PDLIM5: variants seen among roughly 807,000 people sequenced by gnomAD.
PDLIM5 encodes PDZ and LIM domain protein 5.
PDLIM5 carries 34 observed loss-of-function variants against 64.2 expected under a neutral mutation model. The ratio of observed to expected loss-of-function variants is 0.53; its 90% CI spans 0.40 to 0.71. The LOEUF (loss-of-function observed/expected upper bound fraction) is 0.71, where lower values mean the gene tolerates loss of function less well. Ranked by LOEUF, PDLIM5 falls within the 30% of genes least tolerant of loss-of-function variation. The probability of loss-of-function intolerance (pLI) is 0.00; values close to 1 mark genes in which losing one functional copy is unlikely to be tolerated. For synonymous variants in PDLIM5, 253 were observed against 269.1 expected, an observed-to-expected ratio of 0.94 and a Z score of 0.59; for missense variants, 683 against 733.6, an observed-to-expected ratio of 0.93 and a Z score of 0.80.
intron 8 of PDLIM5, among the ~76,000 whole-genome samples, chr4:94,619,497 G>A (rs1416053738): frequency 5.9e-5 from 9 of 151,942 alleles, no homozygotes; most frequent in African/African-American, 1.2e-4. Context: ...AAAATTATCC[G>A]GGCATGGTGG....
chr4:94,660,596 G>A (rs1273513341), intron 11 of PDLIM5, among the ~76,000 whole-genome samples: 1 of 151,980 alleles, frequency 6.6e-6, no homozygotes, highest in Non-Finnish European at 1.5e-5. Flanking sequence ...GAGAATATGA[G>A]CCCCATGAGG....
chr4:94,500,513 C>CT (rs1408120804), intron 2 of PDLIM5, among the ~76,000 whole-genome samples: 1 of 151,878 alleles, frequency 6.6e-6, no homozygotes, highest in Non-Finnish European at 1.5e-5. Context: ...TGATGGCAGA[C>CT]TAGAGAGGGG....
chr4:94,561,544 G>GT (rs998313625), intron 3 of PDLIM5, among the ~76,000 whole-genome samples: 38 of 152,238 alleles, frequency 2.5e-4, no homozygotes, highest in African/African-American at 8.4e-4. Flanking sequence ...TGGAACATGT[G>GT]TTTTTTTCTA....
chr4:94,654,975 A>G (rs1345881506), intron 10 of PDLIM5, among the ~76,000 whole-genome samples: 3 of 152,204 alleles, frequency 2.0e-5, no homozygotes. Flanking sequence ...GACCACACAC[A>G]TCTGAGTTCT....
intron 5 of PDLIM5, chr4:94,579,351 G>A (rs796085267): frequency 1.3e-5 from 5 of 389,972 alleles, no homozygotes; most frequent in African/African-American, 1.0e-4. Flanking sequence ...GCATTATAAT[G>A]TGCCACTGCT....
rs1183148010 is a variant in PDLIM5 at position 94,667,539 on chromosome 4, A to T, written c.*3472A>T. 6.6e-6 allele frequency: 1 copy of T among 152,188 alleles called. No homozygotes were observed. The highest frequency in any genetic ancestry group is 1.5e-5 in the Non-Finnish European group (1 of 68,034). The allele number at this position is 152,188 out of a possible 1,614,324, so 9.4% of individuals were successfully genotyped here. The stretch of plus-strand genomic sequence containing the variant: ...GGATGTGCATAGGTTATATGCAAAT[A>T]CTACACCATTTTCTATAAGGGACTT... On this transcript the variant is annotated 3_prime_UTR_variant, in exon 13 of 13. Transcript: ENST00000317968.
At chr4:94,536,635 T>A (rs1014898550) in intron 3 of PDLIM5, among the ~76,000 whole-genome samples, 6 of 152,236 alleles carry the variant, frequency 3.9e-5, no homozygotes, top group African/African-American at 7.2e-5. Context: ...ATGCCACTTT[T>A]ATAAATATGG....
chr4:94,618,419 T>C (rs1353469110), intron 8 of PDLIM5, among the ~76,000 whole-genome samples: 1 of 152,256 alleles, frequency 6.6e-6, no homozygotes, highest in African/African-American at 2.4e-5. Flanking sequence ...ATTGTAGGAT[T>C]GGGCATTTCC....
intron 8 of PDLIM5, 49 bp from the exon 9 acceptor site, chr4:94,640,227 G>T (rs774506530): frequency 3.1e-6 from 3 of 972,758 alleles, no homozygotes; most frequent in African/African-American, 3.3e-5. Context: ...GTTAGGAAAG[G>T]TTTATATGTG....
chr4:94,461,223 T>A (rs1723852402), intron 2 of PDLIM5, among the ~76,000 whole-genome samples: 2 of 152,242 alleles, frequency 1.3e-5, no homozygotes, highest in Admixed American at 1.3e-4. Context: ...GATGAGACTC[T>A]AGGCCTTTAT....
intron 2 of PDLIM5, among the ~76,000 whole-genome samples, chr4:94,514,196 G>A (rs942809319): frequency 3.4e-5 from 5 of 148,050 alleles, no homozygotes; most frequent in South Asian, 2.1e-4. Flanking sequence ...GTGCAGTGGC[G>A]CAATCTGGGC....
intron 7 of PDLIM5, among the ~76,000 whole-genome samples, chr4:94,603,676 T>C (rs957359946): frequency 3.3e-5 from 5 of 152,206 alleles, no homozygotes; most frequent in African/African-American, 1.2e-4. Context: ...CTTTGCCGTG[T>C]ATGTGTGTGC....
intron 8 of PDLIM5, among the ~76,000 whole-genome samples, chr4:94,624,446 A>G (rs1006459719): frequency 6.6e-6 from 1 of 152,168 alleles, no homozygotes; most frequent in African/African-American, 2.4e-5. Flanking sequence ...ACCAGTATAT[A>G]ATATAGAAAT....
At chr4:94,493,483 T>A (rs906548029) in intron 2 of PDLIM5, among the ~76,000 whole-genome samples, 3 of 152,136 alleles carry the variant, frequency 2.0e-5, no homozygotes, top group Non-Finnish European at 2.9e-5. Flanking sequence ...GATAAATTTT[T>A]AAAAATTTTT....
intron 1 of PDLIM5, among the ~76,000 whole-genome samples, chr4:94,453,564 C>T (rs149839809): frequency 2.7e-3 from 408 of 152,212 alleles, no homozygotes; most frequent in African/African-American, 8.8e-3. Context: ...AAGTTGAGCC[C>T]AACTTTCATA....
intron 2 of PDLIM5, among the ~76,000 whole-genome samples, chr4:94,472,473 A>G (rs961736659): frequency 2.0e-5 from 3 of 152,214 alleles, no homozygotes; most frequent in African/African-American, 7.2e-5. Context: ...GCTCTAGGGA[A>G]TAGTTTTCTG....
intron 8 of PDLIM5, among the ~76,000 whole-genome samples, chr4:94,639,630 T>C (rs1309063480): frequency 1.3e-5 from 2 of 152,218 alleles, no homozygotes; most frequent in African/African-American, 2.4e-5. Context: ...ACAGAGAGAA[T>C]ATAGTGAGTT....
chr4:94,487,821 G>T (rs989981555), intron 2 of PDLIM5, among the ~76,000 whole-genome samples: 23 of 152,132 alleles, frequency 1.5e-4, no homozygotes, highest in African/African-American at 4.8e-4. Context: ...AGGGTGTATA[G>T]GAGTCTCTGG....
In PDLIM5 at chr4:94,481,775, A is replaced by AT. The variant is rs565351485; in HGVS notation, c.96+26398dup. Among the ~76,000 whole-genome samples, 1,024 of 144,740 alleles carry AT rather than the reference A, an allele frequency of 7.1e-3. 34 individuals are homozygous for AT. Among genetic ancestry groups the AT allele is most frequent in the Admixed American group, 0.061 (883 of 14,394 alleles). The allele number at this position is 144,740 out of a possible 152,430, so 95.0% of individuals were successfully genotyped here. On this transcript the variant is annotated intron_variant, in intron 2 of 12. Coordinates refer to ENST00000317968, the MANE Select transcript of PDLIM5 (RefSeq NM_006457.5). ...AGGCGCCCGCCACCACACCTGGCTA[A>AT]TTTTTTTGTATTTTTAGTAGAGATG... is the stretch of plus-strand genomic sequence containing the variant.
Sources: gnomAD v4.1 joint callset for allele counts (sites outside exome capture counted in the v4.1 genomes callset) on GRCh38, gnomAD v4.1.1 for gene constraint, MANE v1.5 for transcripts, NCBI Gene and HGNC (gene_info 2026-07-23, HGNC 2026-07-21) for gene names.